Variants in FAR1 observed in about 807,000 individuals in gnomAD.
FAR1 encodes the protein male sterility domain-containing protein 2.
Under a neutral mutation model 61.1 loss-of-function variants are expected in FAR1, and 22 were observed. The observed-to-expected ratio is 0.36, with a 90% CI of 0.26 to 0.51. The LOEUF (loss-of-function observed/expected upper bound fraction) is 0.51, where lower values mean the gene tolerates loss of function less well. Ranked by LOEUF, FAR1 falls within the 20% of genes least tolerant of loss-of-function variation. The probability of loss-of-function intolerance (pLI) is 0.95; values close to 1 mark genes in which losing one functional copy is unlikely to be tolerated. For synonymous variants in FAR1, 206 were observed against 209.7 expected (o/e 0.98, Z 0.15); for missense variants, 359 against 626.9 (o/e 0.57, Z 4.56).
At chr11:13,716,888 C>T (rs528932477) in intron 9 of FAR1, among the ~76,000 whole-genome samples, 1 of 151,928 alleles carries the variant, frequency 6.6e-6, no homozygotes, top group African/African-American at 2.4e-5. Context: ...GTGTGCTGCA[C>T]CCATTAACTT....
Position 13,710,680 on chromosome 11 carries a change from A to G in FAR1, c.546-13A>G, listed in dbSNP as rs1447230324. The G allele has an allele frequency of 6.4e-7, 1 of 1,554,414 alleles. No individual in the cohort carries two copies. Among genetic ancestry groups the G allele is most frequent in the Non-Finnish European group, 8.6e-7 (1 of 1,159,452 alleles). ...ATATCTGGAAATATATTTGTATGCAATTTCTTTACCAGGTGGATGGATGAT... is the reference window on the plus strand; with the variant it reads ...ATATCTGGAAATATATTTGTATGCAGTTTCTTTACCAGGTGGATGGATGAT... On this transcript the variant is annotated splice_polypyrimidine_tract_variant and intron_variant, in intron 4 of 11. Coordinates refer to ENST00000354817, the MANE Select transcript of FAR1 (RefSeq NM_032228.6).
chr11:13,671,774 G>A (rs1848007588), intron 1 of FAR1, among the ~76,000 whole-genome samples: 1 of 152,180 alleles, frequency 6.6e-6, no homozygotes, highest in South Asian at 2.1e-4. Flanking sequence ...GTCAGGATTG[G>A]CAGAATCAGT....
At chr11:13,706,184 A>G (rs1003698845) in intron 3 of FAR1, among the ~76,000 whole-genome samples, 3 of 149,254 alleles carry the variant, frequency 2.0e-5, no homozygotes, top group African/African-American at 7.7e-5. Flanking sequence ...AATTTTTTCC[A>G]TAGTTATAAT....
chr11:13,669,733 C>G (rs1300765080), intron 1 of FAR1: 5 of 152,182 alleles, frequency 3.3e-5, no homozygotes, highest in Non-Finnish European at 7.3e-5. Flanking sequence ...GGGGCTGATC[C>G]TCCTCCTACA....
intron 1 of FAR1, among the ~76,000 whole-genome samples, chr11:13,687,105 T>A (rs998568723): frequency 1.3e-5 from 2 of 152,214 alleles, no homozygotes; most frequent in African/African-American, 4.8e-5. Flanking sequence ...CATTTATAAA[T>A]GCAAATATGT....
At chr11:13,715,143 GCGGT>G (rs1848541793) in intron 9 of FAR1, among the ~76,000 whole-genome samples, 3 of 152,080 alleles carry the variant, frequency 2.0e-5, no homozygotes, top group Non-Finnish European at 4.4e-5. Flanking sequence ...GTCAGAAACC[GCGGT>G]AAGAAGAATA....
intron 1 of FAR1, among the ~76,000 whole-genome samples, chr11:13,688,012 A>G (rs1848207933): frequency 6.6e-6 from 1 of 151,906 alleles, no homozygotes; most frequent in African/African-American, 2.4e-5. Flanking sequence ...TGACGAGTTA[A>G]TGGGTGCAGC....
chr11:13,690,406 G>C (rs1331155467), intron 1 of FAR1, among the ~76,000 whole-genome samples: 1 of 152,018 alleles, frequency 6.6e-6, no homozygotes, highest in East Asian at 1.9e-4. Context: ...GTCCAGTTTA[G>C]CAATATTTTC....
intron 1 of FAR1, among the ~76,000 whole-genome samples, chr11:13,692,457 A>G (rs150118382): frequency 3.3e-4 from 50 of 152,306 alleles, no homozygotes; most frequent in African/African-American, 1.1e-3. Flanking sequence ...AGGAACTGCC[A>G]AACGTTTTTC....
intron 1 of FAR1, among the ~76,000 whole-genome samples, chr11:13,681,779 ATGG>A (rs939403235): frequency 2.1e-4 from 32 of 152,318 alleles, no homozygotes; most frequent in Admixed American, 1.8e-3. Flanking sequence ...AGAAAATAAA[ATGG>A]TGGTTGTTTT....
At position 13,730,285 on chromosome 11, in the gene FAR1, AC is replaced by A. The variant is rs1168447674; in HGVS notation, c.*1512del. 7 of 152,626 alleles carry A rather than the reference AC, an allele frequency of 4.6e-5. 1 individual carries two copies. In the East Asian group the frequency reaches 1.2e-3, roughly 25 times the overall value. The allele number at this position is 152,626 out of a possible 1,614,324, so 9.5% of individuals were successfully genotyped here. ...AAAGTTTATTTTGCTATTGTGAAAAACTAAATGTAAAGGAAATCACCTACTT... is the reference window on the plus strand; with the variant it reads ...AAAGTTTATTTTGCTATTGTGAAAAATAAATGTAAAGGAAATCACCTACTT... On this transcript the variant is annotated 3_prime_UTR_variant, in exon 12 of 12. Transcript: ENST00000354817.
intron 3 of FAR1, among the ~76,000 whole-genome samples, chr11:13,703,084 A>C (rs955555361): frequency 6.6e-6 from 1 of 152,202 alleles, no homozygotes; most frequent in Non-Finnish European, 1.5e-5. Context: ...TTGACTTCCA[A>C]GTGGTGATAG....
At chr11:13,708,474 CACATACAT>C (rs751453888) in intron 4 of FAR1, among the ~76,000 whole-genome samples, 1,388 of 126,982 alleles carry the variant, frequency 0.011, 9 homozygotes, top group Middle Eastern at 0.017. Flanking sequence ...CACACACACA[CACATACAT>C]TTATCTCTTT....
intron 10 of FAR1, chr11:13,723,315 T>C (rs1234256945): frequency 5.5e-6 from 2 of 361,496 alleles, no homozygotes; most frequent in Non-Finnish European, 1.0e-5. Flanking sequence ...CAGTGAGATG[T>C]GATCACGTCA....
rs373904259 is a variant in FAR1 at position 13,710,034 on chromosome 11, T to C, written c.546-659T>C. Among the ~76,000 whole-genome samples the C allele has an allele frequency of 5.3e-5, 8 of 152,134 alleles. No homozygotes were observed. In the East Asian group the frequency reaches 9.6e-4, roughly 18 times the overall value. ...TTTTGACTTCATAGTAGGTTGCTAA[T>C]TGAATTTTTATAGCATGCTTCAATT... On this transcript the variant is annotated intron_variant, in intron 4 of 11. Transcript: ENST00000354817.
intron 9 of FAR1, among the ~76,000 whole-genome samples, chr11:13,716,632 A>G (rs374439061): frequency 6.6e-6 from 1 of 152,194 alleles, no homozygotes; most frequent in Non-Finnish European, 1.5e-5. Flanking sequence ...TCAAGGGGGA[A>G]GTCTTTTAGC....
At chr11:13,698,393 T>C (rs989632552) in intron 2 of FAR1, among the ~76,000 whole-genome samples, 9 of 152,222 alleles carry the variant, frequency 5.9e-5, no homozygotes, top group African/African-American at 2.2e-4. Context: ...TCCTGAATGT[T>C]ACATCCTGAA....
chr11:13,681,893 T>TA (rs1469005710), intron 1 of FAR1, among the ~76,000 whole-genome samples: 2 of 152,148 alleles, frequency 1.3e-5, no homozygotes, highest in African/African-American at 4.8e-5. Flanking sequence ...TTCTGTGCTT[T>TA]TTTATTATTA....
intron 9 of FAR1, chr11:13,720,707 C>G (rs1273330999): frequency 1.3e-5 from 2 of 151,908 alleles, no homozygotes. Context: ...ATTTCTAAAA[C>G]CCCTAATTTT....
Sources: gnomAD v4.1 joint callset for allele counts (sites outside exome capture counted in the v4.1 genomes callset) on GRCh38, gnomAD v4.1.1 for gene constraint, MANE v1.5 for transcripts, NCBI Gene and HGNC (gene_info 2026-07-23, HGNC 2026-07-21) for gene names.